Variants in PPM1D observed in about 807,000 individuals in gnomAD.
The protein encoded by PPM1D is protein phosphatase, Mg2+/Mn2+ dependent 1D, also known as protein phosphatase 1D.
In PPM1D, 52 loss-of-function variants were observed where a neutral mutation model predicts 58.3. The ratio of observed to expected loss-of-function variants is 0.89; its 90% CI spans 0.71 to 1.12. PPM1D has a LOEUF of 1.12. Ranked by LOEUF, PPM1D falls within the 50% of genes most tolerant of loss-of-function variation. The pLI is 0.00. For missense variants in PPM1D, 564 were observed against 777.2 expected (o/e 0.73, Z 3.26); for synonymous variants, 278 against 285.1 (o/e 0.98, Z 0.25).
intron 1 of PPM1D, chr17:60,604,763 G>T (rs1024800283): frequency 6.6e-6 from 1 of 152,136 alleles, no homozygotes; most frequent in Non-Finnish European, 1.5e-5. Context: ...GTATTCATGG[G>T]TTGGGATTTA....
chr17:60,608,872 C>T (rs1453274709), intron 1 of PPM1D, among the ~76,000 whole-genome samples: 1 of 151,530 alleles, frequency 6.6e-6, no homozygotes, highest in Non-Finnish European at 1.5e-5. Flanking sequence ...CTCAGCCTCC[C>T]GAGTGGCTGG....
chr17:60,610,336 T>C (rs1245239992), intron 1 of PPM1D, among the ~76,000 whole-genome samples: 1 of 152,192 alleles, frequency 6.6e-6, no homozygotes, highest in African/African-American at 2.4e-5. Flanking sequence ...CTTACTTTTT[T>C]GGTTCAGTAT....
At chr17:60,602,653 A>C (rs541185362) in intron 1 of PPM1D, among the ~76,000 whole-genome samples, 1 of 152,158 alleles carries the variant, frequency 6.6e-6, no homozygotes, top group African/African-American at 2.4e-5. Flanking sequence ...TTAGTTTTAC[A>C]TACACAGACT....
At chr17:60,615,424 A>G (rs954892606) in intron 1 of PPM1D, among the ~76,000 whole-genome samples, 2 of 151,940 alleles carry the variant, frequency 1.3e-5, no homozygotes, top group African/African-American at 2.4e-5. Flanking sequence ...AAAAATGAAA[A>G]GAATACTTAA....
chr17:60,625,869 A>T (rs1245853174), intron 2 of PPM1D, among the ~76,000 whole-genome samples: 1 of 152,148 alleles, frequency 6.6e-6, no homozygotes, highest in Non-Finnish European at 1.5e-5. Context: ...TAATGGCGAC[A>T]TTCATTTGGT....
At chr17:60,607,648 G>T (rs1406699786) in intron 1 of PPM1D, among the ~76,000 whole-genome samples, 1 of 152,162 alleles carries the variant, frequency 6.6e-6, no homozygotes, top group Non-Finnish European at 1.5e-5. Context: ...TTACTTATTG[G>T]AAATAATGTT....
chr17:60,628,545 C>T (rs921166686), intron 2 of PPM1D, among the ~76,000 whole-genome samples: 1 of 152,166 alleles, frequency 6.6e-6, no homozygotes, highest in African/African-American at 2.4e-5. Context: ...AACCACTGCT[C>T]TTTTTACTGC....
chr17:60,632,726 G>A (rs1178180892), intron 2 of PPM1D, among the ~76,000 whole-genome samples: 1 of 152,124 alleles, frequency 6.6e-6, no homozygotes, highest in Non-Finnish European at 1.5e-5. Context: ...TGGCCCACGT[G>A]GTGGCTCCCA....
chr17:60,604,753 G>A (rs993036550), intron 1 of PPM1D: 6 of 152,148 alleles, frequency 3.9e-5, no homozygotes, highest in African/African-American at 1.4e-4. Context: ...AAAAAAGTAG[G>A]TATTCATGGG....
intron 1 of PPM1D, among the ~76,000 whole-genome samples, chr17:60,603,137 T>A (rs932525671): frequency 2.0e-5 from 3 of 152,228 alleles, no homozygotes; most frequent in Non-Finnish European, 4.4e-5. Context: ...GTATGTTTTC[T>A]TCTGTGAAGA....
At position 60,647,923 on chromosome 17, in the gene PPM1D, T is replaced by G; in HGVS notation, c.858T>G (p.Gly286=). 6.2e-7 allele frequency: 1 copy of G among 1,613,360 alleles called. No homozygotes were observed. The highest frequency in any genetic ancestry group is 1.7e-4 in the Middle Eastern group (1 of 6,056). The change falls in exon 4 of 6, where the codon GGT becomes GGG. Residue 286 remains glycine, a synonymous_variant. Coordinates refer to ENST00000305921, the MANE Select transcript of PPM1D (RefSeq NM_003620.4). ...TGTGGAGCTATGATTTCTTCAGTGG[T>G]GAATTTGTGGTGTCACCTGAACCAG... ...GDLWSYDFFS[G]EFVVSPEPDT... is the part of the protein sequence containing the mutation.
chr17:60,639,429 A>ATTC (rs552647812), intron 3 of PPM1D, among the ~76,000 whole-genome samples: 1 of 150,948 alleles, frequency 6.6e-6, no homozygotes, highest in Non-Finnish European at 1.5e-5. Flanking sequence ...AACATTTTTA[A>ATTC]TTCTTCTTCT....
At chr17:60,620,453 C>T (rs2030676642) in intron 1 of PPM1D, among the ~76,000 whole-genome samples, 1 of 152,072 alleles carries the variant, frequency 6.6e-6, no homozygotes, top group African/African-American at 2.4e-5. Flanking sequence ...TGATGGTTTC[C>T]TTTCCCGTGC....
intron 3 of PPM1D, among the ~76,000 whole-genome samples, chr17:60,644,079 G>A (rs1316844864): frequency 2.0e-4 from 30 of 151,358 alleles, no homozygotes; most frequent in Admixed American, 1.8e-3. Context: ...GGGTTTCACC[G>A]TGTTAGCCAG....
intron 1 of PPM1D, among the ~76,000 whole-genome samples, chr17:60,621,170 A>G (rs376721452): frequency 1.3e-5 from 2 of 151,946 alleles, no homozygotes; most frequent in African/African-American, 4.8e-5. Flanking sequence ...TAATCCACCC[A>G]CCTTGGCCTC....
Position 60,633,711 on chromosome 17 carries a change from T to C in PPM1D, c.702-142T>C, listed in dbSNP as rs1038570655. ...TTCCTCTCTGAACAGGAATTTTGGC[T>C]TATGCATCTTTGTATTTGAAACACA... On this transcript the variant is annotated intron_variant, in intron 2 of 5. Transcript: ENST00000305921. 7 of 933,678 alleles carry C rather than the reference T, an allele frequency of 7.5e-6. No homozygotes were observed. In the South Asian group the frequency reaches 1.3e-4, roughly 18 times the overall value. The allele number at this position is 933,678 out of a possible 1,614,324, so 57.8% of individuals were successfully genotyped here.
intron 4 of PPM1D, among the ~76,000 whole-genome samples, chr17:60,651,373 T>C (rs1344559627): frequency 6.6e-6 from 1 of 152,028 alleles, no homozygotes; most frequent in African/African-American, 2.4e-5. Context: ...ACAAATGGTA[T>C]ATCACAGTTC....
intron 3 of PPM1D, among the ~76,000 whole-genome samples, chr17:60,645,526 A>ATATATATGTG (rs2031224472): frequency 2.2e-5 from 3 of 139,418 alleles, no homozygotes; most frequent in South Asian, 2.2e-4. Flanking sequence ...ATATATGTAT[A>ATATATATGTG]TATATATGTG....
Position 60,663,189 on chromosome 17 carries a change from G to C in PPM1D, c.1455G>C (p.Arg485Ser). ...ATTGCGCTAAAGCCCTGACTTTAAG[G>C]ATACATGATTCTTTGAATAATAGCC... is the stretch of plus-strand genomic sequence containing the variant. ...EENCAKALTL[R>S]IHDSLNNSLP... The change falls in exon 6 of 6, where the codon AGG (arginine) becomes AGC (serine). Residue 485 changes from arginine to serine, a missense_variant. Physicochemically the swap from Arg to Ser is moderately radical, Grantham distance 110. Transcript: ENST00000305921. 1 of 1,614,124 alleles carries C rather than the reference G, an allele frequency of 6.2e-7. No homozygotes were observed. Among genetic ancestry groups the C allele is most frequent in the East Asian group, 2.2e-5 (1 of 44,884 alleles).
Sources: gnomAD v4.1 joint callset for allele counts (sites outside exome capture counted in the v4.1 genomes callset) on GRCh38, gnomAD v4.1.1 for gene constraint, MANE v1.5 for transcripts, NCBI Gene and HGNC (gene_info 2026-07-23, HGNC 2026-07-21) for gene names.